Variants in SEMA5A observed in about 807,000 individuals in gnomAD.
SEMA5A encodes semaphorin-5A.
SEMA5A carries 55 observed loss-of-function variants against 135.5 expected under a neutral mutation model. That is an observed-to-expected ratio of 0.41 (90% confidence interval 0.33 to 0.51). The LOEUF is 0.51. Among genes scored for constraint, SEMA5A ranks in the 20% least tolerant of loss-of-function variants. The pLI, the probability that SEMA5A is intolerant of heterozygous loss-of-function variation, is 0.37. For synonymous variants in SEMA5A, 580 were observed against 546.5 expected (o/e 1.06, Z -0.85); for missense variants, 1,290 against 1,419.9 (o/e 0.91, Z 1.47).
At chr5:9,200,733 A>G (rs1561013977) in intron 9 of SEMA5A, among the ~76,000 whole-genome samples, 2 of 152,366 alleles carry the variant, frequency 1.3e-5, no homozygotes, top group East Asian at 3.9e-4. Flanking sequence ...AACACAAGTT[A>G]AGCAGTGGAG....
intron 1 of SEMA5A, among the ~76,000 whole-genome samples, chr5:9,494,693 A>G (rs1161528671): frequency 1.3e-5 from 2 of 151,790 alleles, no homozygotes; most frequent in African/African-American, 2.4e-5. Flanking sequence ...AATTCTGTGC[A>G]AAATCATTGT....
intron 1 of SEMA5A, among the ~76,000 whole-genome samples, chr5:9,453,622 C>CA (rs1024696888): frequency 6.6e-6 from 1 of 152,020 alleles, no homozygotes; most frequent in African/African-American, 2.4e-5. Flanking sequence ...TTGTTTTTAA[C>CA]AAAAAATGCA....
intron 16 of SEMA5A, among the ~76,000 whole-genome samples, chr5:9,076,203 C>CAAAAAAAA (rs55743535): frequency 1.1e-5 from 1 of 89,896 alleles, no homozygotes; most frequent in African/African-American, 4.1e-5. Context: ...GACTCCATCT[C>CAAAAAAAA]AAAAAAAAAA....
Position 9,041,865 on chromosome 5 carries a change from T to C in SEMA5A, c.*1032A>G, listed in dbSNP as rs1179079665. 1 of 152,668 alleles carries C rather than the reference T, an allele frequency of 6.6e-6. No homozygotes were observed. Among genetic ancestry groups the C allele is most frequent in the Non-Finnish European group, 1.5e-5 (1 of 68,040 alleles). The allele number at this position is 152,668 out of a possible 1,614,324, so 9.5% of individuals were successfully genotyped here. Reference sequence around the variant, plus strand: ...CCACACATTGGGTATATCAGAGAGATGAAAAATAAAATGATTATCATTAAT... The same window carrying C: ...CCACACATTGGGTATATCAGAGAGACGAAAAATAAAATGATTATCATTAAT... On this transcript the variant is annotated 3_prime_UTR_variant, in exon 23 of 23. Coordinates refer to ENST00000382496, the MANE Select transcript of SEMA5A (RefSeq NM_003966.3).
At chr5:9,075,084 A>G (rs544440979) in intron 16 of SEMA5A, among the ~76,000 whole-genome samples, 2 of 152,240 alleles carry the variant, frequency 1.3e-5, no homozygotes, top group Non-Finnish European at 2.9e-5. Context: ...AAAATACAAT[A>G]GAAATGTTTT....
chr5:9,355,596 C>T (rs992290580), intron 3 of SEMA5A, among the ~76,000 whole-genome samples: 2 of 152,012 alleles, frequency 1.3e-5, no homozygotes. Context: ...TGGATGTCTA[C>T]GCGGAGGTCT....
At chr5:9,380,814 G>A (rs1561203829) in intron 2 of SEMA5A, among the ~76,000 whole-genome samples, 1 of 152,192 alleles carries the variant, frequency 6.6e-6, no homozygotes, top group African/African-American at 2.4e-5. Context: ...TGGGAGTCAA[G>A]GGAGAATACG....
At chr5:9,147,741 A>C (rs945234859) in intron 12 of SEMA5A, among the ~76,000 whole-genome samples, 4 of 151,684 alleles carry the variant, frequency 2.6e-5, no homozygotes, top group African/African-American at 9.7e-5. Context: ...AAAAAAAAAA[A>C]ACCCACCTAA....
chr5:9,206,216 A>G (rs1746006252), intron 8 of SEMA5A, among the ~76,000 whole-genome samples: 1 of 152,192 alleles, frequency 6.6e-6, no homozygotes, highest in South Asian at 2.1e-4. Flanking sequence ...TGCTAACTAA[A>G]TCACAGTAAA....
At chr5:9,218,844 C>T (rs1401537670) in intron 8 of SEMA5A, among the ~76,000 whole-genome samples, 2 of 152,190 alleles carry the variant, frequency 1.3e-5, no homozygotes, top group Non-Finnish European at 2.9e-5. Flanking sequence ...ATTCAAGAAC[C>T]ACAGGCCCAA....
intron 3 of SEMA5A, among the ~76,000 whole-genome samples, chr5:9,372,956 C>G (rs1024551924): frequency 2.0e-5 from 3 of 152,176 alleles, no homozygotes; most frequent in African/African-American, 7.2e-5. Context: ...ATGCCAGTGG[C>G]CCACAAGACA....
intron 3 of SEMA5A, among the ~76,000 whole-genome samples, chr5:9,347,858 G>A (rs1753945809): frequency 6.6e-6 from 1 of 152,184 alleles, no homozygotes; most frequent in Non-Finnish European, 1.5e-5. Flanking sequence ...TATTTTGAGA[G>A]AAATCTTAGG....
chr5:9,363,777 C>A (rs934114025), intron 3 of SEMA5A, among the ~76,000 whole-genome samples: 1 of 152,148 alleles, frequency 6.6e-6, no homozygotes, highest in Non-Finnish European at 1.5e-5. Context: ...ATCAGTTACA[C>A]GGTTCTGTCA....
intron 18 of SEMA5A, among the ~76,000 whole-genome samples, chr5:9,060,183 T>C (rs1192755895): frequency 6.6e-6 from 1 of 152,208 alleles, no homozygotes; most frequent in Non-Finnish European, 1.5e-5. Flanking sequence ...TCCACAACAC[T>C]CTGCAGAATC....
intron 18 of SEMA5A, among the ~76,000 whole-genome samples, chr5:9,061,445 T>C (rs1737176843): frequency 6.6e-6 from 1 of 151,846 alleles, no homozygotes; most frequent in Non-Finnish European, 1.5e-5. Flanking sequence ...CTCATGGAGC[T>C]TCAGACAAAA....
At chr5:9,058,446 C>CA (rs1219799022) in intron 18 of SEMA5A, among the ~76,000 whole-genome samples, 2 of 152,308 alleles carry the variant, frequency 1.3e-5, no homozygotes, top group African/African-American at 2.4e-5. Context: ...TCAAGAAATA[C>CA]TGGTTCATGG....
chr5:9,536,848 T>C lies in SEMA5A; in HGVS notation c.-175+8736A>G, dbSNP rs143710756. On this transcript the variant is annotated intron_variant, in intron 1 of 22. Coordinates refer to ENST00000382496, the MANE Select transcript of SEMA5A (RefSeq NM_003966.3). Reference sequence around the variant, plus strand: ...CAATGAAGTTTCTCTTCACTGACACTGGCAAAGATATTCTGATTTTAAACT... The same window carrying C: ...CAATGAAGTTTCTCTTCACTGACACCGGCAAAGATATTCTGATTTTAAACT... 3.2e-4 allele frequency among the ~76,000 whole-genome samples: 49 copies of C among 152,342 alleles called. No homozygotes were observed. In the East Asian group the frequency reaches 6.2e-3, roughly 19 times the overall value.
intron 5 of SEMA5A, among the ~76,000 whole-genome samples, chr5:9,317,482 G>T (rs1312011696): frequency 6.6e-6 from 1 of 152,074 alleles, no homozygotes; most frequent in African/African-American, 2.4e-5. Flanking sequence ...GCTTTGATCA[G>T]GGGATTGGCT....
Position 9,202,176 on chromosome 5 carries a change from T to A in SEMA5A, c.711A>T (p.Ala237=), listed in dbSNP as rs543336272. Residue 237 remains alanine, a synonymous_variant, in exon 9 of 23, where the codon GCA becomes GCT. Coordinates refer to ENST00000382496, the MANE Select transcript of SEMA5A (RefSeq NM_003966.3). ...CTGTTTTCCCACAGTCATGCTCTAC[T>A]GCATTTTCTCGGAAAAAGAAGTAGG... The part of the protein sequence containing the change: ...NFTYFFFREN[A]VEHDCGKTVF... The A allele has an allele frequency of 5.6e-6, 9 of 1,614,148 alleles. No individual in the cohort carries two copies. The Admixed American group carries it at 1.5e-4, about 27-fold the overall frequency.
Sources: gnomAD v4.1 joint callset for allele counts (sites outside exome capture counted in the v4.1 genomes callset) on GRCh38, gnomAD v4.1.1 for gene constraint, MANE v1.5 for transcripts, NCBI Gene and HGNC (gene_info 2026-07-23, HGNC 2026-07-21) for gene names.